ARHGEF26: variants seen among roughly 807,000 people sequenced by gnomAD.
The protein encoded by ARHGEF26 is Rho guanine nucleotide exchange factor (GEF) 26.
A neutral mutation model predicts 89.4 loss-of-function variants in ARHGEF26; 59 were observed. The ratio of observed to expected loss-of-function variants is 0.66; its 90% CI spans 0.54 to 0.82. The LOEUF is 0.82. Ranked by LOEUF, ARHGEF26 falls within the 40% of genes least tolerant of loss-of-function variation. The pLI is 0.00. For missense variants in ARHGEF26, 1,234 were observed against 1,085.6 expected (o/e 1.14, Z -1.92); for synonymous variants, 500 against 428.4 (o/e 1.17, Z -2.06).
At chr3:154,151,557 T>C (rs1271228194) in intron 5 of ARHGEF26, among the ~76,000 whole-genome samples, 1 of 152,154 alleles carries the variant, frequency 6.6e-6, no homozygotes, top group East Asian at 1.9e-4. Flanking sequence ...ATTGAAAAAA[T>C]TCAATACGCA....
intron 9 of ARHGEF26, among the ~76,000 whole-genome samples, chr3:154,203,322 C>T (rs1714778168): frequency 6.6e-6 from 1 of 152,088 alleles, no homozygotes; most frequent in Non-Finnish European, 1.5e-5. Flanking sequence ...ATATATTGAA[C>T]CAGCCCTGCA....
chr3:154,122,365 C>T lies in ARHGEF26; in HGVS notation c.373C>T (p.Pro125Ser). ...KLPKAVPGGS[P>S]KSPANGAVTL... ...CCCCAAAGCGGTGCCTGGCGGCTCCCCGAAATCCCCAGCAAATGGCGCGGT... is the reference window on the plus strand; with the variant it reads ...CCCCAAAGCGGTGCCTGGCGGCTCCTCGAAATCCCCAGCAAATGGCGCGGT... Residue 125 changes from proline (P) to serine (S), a missense_variant, in exon 2 of 15, where the codon CCG (proline) becomes TCG (serine). Physicochemically the swap from Pro to Ser is moderately conservative, Grantham distance 74. Transcript: ENST00000465093. 1.2e-6 allele frequency: 2 copies of T among 1,612,474 alleles called. No homozygotes were observed. The highest frequency in any genetic ancestry group is 2.2e-5 in the East Asian group (1 of 44,860).
chr3:154,123,172 A>G, intron 2 of ARHGEF26, 97 bp downstream of exon 2: 1 of 1,500,196 alleles, frequency 6.7e-7, no homozygotes, highest in East Asian at 2.4e-5. Context: ...CGAAGAAGTC[A>G]TTCCGTTTTA....
rs754344998 is a variant in ARHGEF26, at chr3:154,217,859, G to A, written c.1846-10G>A. On this transcript the variant is annotated splice_polypyrimidine_tract_variant and intron_variant, in intron 9 of 14. Transcript: ENST00000465093. ...GACCTTTAACCCTCGTTACTCTTCT[G>A]TGTTCCCAGTTGGTTCGACTATGCA... is the stretch of plus-strand genomic sequence containing the variant. 3 of 1,586,304 alleles carry A rather than the reference G, an allele frequency of 1.9e-6. No individual in the cohort carries two copies. Among genetic ancestry groups the A allele is most frequent in the Non-Finnish European group, 2.6e-6 (3 of 1,165,116 alleles).
Position 154,255,694 on chromosome 3 carries a change from C to T in ARHGEF26, c.*221C>T, listed in dbSNP as rs1392116740. 7.3e-7 allele frequency: 1 copy of T among 1,362,838 alleles called. No homozygotes were observed. Among genetic ancestry groups the T allele is most frequent in the Non-Finnish European group, 9.4e-7 (1 of 1,063,652 alleles). 84.4% of individuals were successfully genotyped at this position (1,362,838 alleles called of 1,614,324 possible). ...TTTACCTAACCACACACTTGCAGAC[C>T]TCCTGAGGTACACAGAATAGCTGAG... On this transcript the variant is annotated 3_prime_UTR_variant, in exon 15 of 15. Coordinates refer to ENST00000465093, the MANE Select transcript of ARHGEF26 (RefSeq NM_015595.4).
chr3:154,234,977 T>C (rs910263874), intron 11 of ARHGEF26, among the ~76,000 whole-genome samples: 2 of 152,148 alleles, frequency 1.3e-5, no homozygotes, highest in African/African-American at 2.4e-5. Context: ...TTATCCAGGA[T>C]GGTCTCGATC....
chr3:154,169,976 TAGTC>T, intron 6 of ARHGEF26, among the ~76,000 whole-genome samples: 1 of 152,132 alleles, frequency 6.6e-6, no homozygotes, highest in African/African-American at 2.4e-5. Flanking sequence ...AAGCCAGAAG[TAGTC>T]AGCTTCCTGC....
Position 154,122,201 on chromosome 3 carries a change from C to G in ARHGEF26, c.209C>G (p.Thr70Ser). The change falls in exon 2 of 15, where the codon ACC (threonine) becomes AGC (serine). Residue 70 changes from threonine (T) to serine (S), a missense_variant. Thr to Ser is a moderately conservative substitution (Grantham distance 58, BLOSUM62 1). Coordinates refer to ENST00000465093, the MANE Select transcript of ARHGEF26 (RefSeq NM_015595.4). ...LAAQIPAQVP[T>S]ASDSRTVHRS... ...GCGCAGATTCCCGCCCAGGTGCCCA[C>G]CGCCTCGGACAGCAGGACGGTACAT... is the stretch of plus-strand genomic sequence containing the variant. 1.9e-6 allele frequency: 3 copies of G among 1,603,508 alleles called. No individual in the cohort carries two copies. Among genetic ancestry groups the G allele is most frequent in the Non-Finnish European group, 2.6e-6 (3 of 1,175,382 alleles).
chr3:154,214,607 T>C (rs1715600524), intron 9 of ARHGEF26, among the ~76,000 whole-genome samples: 1 of 152,146 alleles, frequency 6.6e-6, no homozygotes, highest in Admixed American at 6.6e-5. Flanking sequence ...TTGAAATGGC[T>C]CTGGGAAATT....
chr3:154,225,746 C>G, intron 10 of ARHGEF26, 110 bp from the exon 11 acceptor site: 3 of 1,150,064 alleles, frequency 2.6e-6, no homozygotes, highest in Non-Finnish European at 2.4e-6. Flanking sequence ...AACAATGATG[C>G]ATACTATGAT....
At chr3:154,183,208 T>G (rs192531662) in intron 6 of ARHGEF26, among the ~76,000 whole-genome samples, 50 of 152,270 alleles carry the variant, frequency 3.3e-4, no homozygotes, top group African/African-American at 1.2e-3. Flanking sequence ...GGCTAACTTG[T>G]GTTTCTGGTT....
At chr3:154,217,024 A>G (rs1049910168) in intron 9 of ARHGEF26, among the ~76,000 whole-genome samples, 80 of 145,374 alleles carry the variant, frequency 5.5e-4, no homozygotes, top group African/African-American at 1.7e-3. Flanking sequence ...TAGCAGCATG[A>G]TTTATAGTCC....
At chr3:154,210,126 G>A (rs1038257313) in intron 9 of ARHGEF26, among the ~76,000 whole-genome samples, 1 of 152,094 alleles carries the variant, frequency 6.6e-6, no homozygotes, top group South Asian at 2.1e-4. Context: ...CCTGGCCTGG[G>A]ACTCACCCTT....
At chr3:154,165,982 C>G (rs1711995169) in intron 6 of ARHGEF26, among the ~76,000 whole-genome samples, 1 of 152,096 alleles carries the variant, frequency 6.6e-6, no homozygotes, top group Non-Finnish European at 1.5e-5. Context: ...GTGAAAGCCT[C>G]CTGGGGATGG....
chr3:154,225,953 A>T lies in ARHGEF26; in HGVS notation c.2033A>T (p.Lys678Ile). 1 of 1,613,420 alleles carries T rather than the reference A, an allele frequency of 6.2e-7. No homozygotes were observed. ...GTGCTTTTCTCAAGAAGGACATCCAAACAGCAAGTCTACTTCTTTCTCTTT... is the reference window on the plus strand; with the variant it reads ...GTGCTTTTCTCAAGAAGGACATCCATACAGCAAGTCTACTTCTTTCTCTTT... ...DTVLFSRRTS[K>I]QQVYFFLFND... Residue 678 changes from lysine to isoleucine, a missense_variant, in exon 11 of 15, where the codon AAA (lysine) becomes ATA (isoleucine). Transcript: ENST00000465093.
intron 9 of ARHGEF26, among the ~76,000 whole-genome samples, chr3:154,197,777 T>G (rs1333621069): frequency 6.6e-6 from 1 of 152,162 alleles, no homozygotes; most frequent in Non-Finnish European, 1.5e-5. Context: ...TGATTTTCTG[T>G]TAACATGCTG....
At chr3:154,248,091 GT>G (rs1433864939) in intron 12 of ARHGEF26, among the ~76,000 whole-genome samples, 2 of 152,188 alleles carry the variant, frequency 1.3e-5, no homozygotes, top group Non-Finnish European at 2.9e-5. Flanking sequence ...AAATTTAGAT[GT>G]CATTTGGGTG....
chr3:154,181,560 A>G (rs531653301), intron 6 of ARHGEF26, among the ~76,000 whole-genome samples: 1 of 152,296 alleles, frequency 6.6e-6, no homozygotes, highest in African/African-American at 2.4e-5. Context: ...CTGTGTTTCC[A>G]GAGCTAGAGT....
intron 10 of ARHGEF26, among the ~76,000 whole-genome samples, chr3:154,221,918 C>A (rs1249687108): frequency 1.3e-5 from 2 of 152,088 alleles, no homozygotes; most frequent in Admixed American, 1.3e-4. Flanking sequence ...TCTATTTTGG[C>A]CATATTTGGT....
Sources: gnomAD v4.1 joint callset for allele counts (sites outside exome capture counted in the v4.1 genomes callset) on GRCh38, gnomAD v4.1.1 for gene constraint, MANE v1.5 for transcripts, NCBI Gene and HGNC (gene_info 2026-07-23, HGNC 2026-07-21) for gene names.